Variants in MDGA2 observed in about 807,000 individuals in gnomAD.
MDGA2 encodes MAM domain-containing glycosylphosphatidylinositol anchor protein 2.
Under a neutral mutation model 117.8 loss-of-function variants are expected in MDGA2, and 40 were observed. The ratio of observed to expected loss-of-function variants is 0.34; its 90% CI spans 0.26 to 0.44. MDGA2 has a LOEUF of 0.44. Among genes scored for constraint, MDGA2 ranks in the 20% least tolerant of loss-of-function variants. The pLI is 1.00. For missense variants in MDGA2, 1,123 were observed against 1,250.6 expected (o/e 0.90, Z 1.54); for synonymous variants, 452 against 439.0 (o/e 1.03, Z -0.37).
chr14:47,396,037 G>T (rs191887138), intron 1 of MDGA2, among the ~76,000 whole-genome samples: 55 of 152,128 alleles, frequency 3.6e-4, no homozygotes, highest in African/African-American at 1.2e-3. Flanking sequence ...TGTTGGAATG[G>T]GTAAAATTGA....
intron 1 of MDGA2, among the ~76,000 whole-genome samples, chr14:47,618,221 G>A (rs1288271903): frequency 6.6e-6 from 1 of 152,210 alleles, no homozygotes; most frequent in Admixed American, 6.5e-5. Flanking sequence ...TTGTATCACA[G>A]TCAGTCTTAA....
chr14:47,497,301 G>C (rs1894301847), intron 1 of MDGA2, among the ~76,000 whole-genome samples: 1 of 152,154 alleles, frequency 6.6e-6, no homozygotes, highest in Admixed American at 6.5e-5. Context: ...GTCTTGCCCA[G>C]GCTGAAGGGC....
chr14:47,542,949 C>T (rs189584775), intron 1 of MDGA2, among the ~76,000 whole-genome samples: 28 of 152,320 alleles, frequency 1.8e-4, no homozygotes, highest in African/African-American at 6.3e-4. Flanking sequence ...CTGGCTCACA[C>T]CTGTAGTTCC....
chr14:47,508,892 G>C (rs1164085583), intron 1 of MDGA2, among the ~76,000 whole-genome samples: 2 of 152,022 alleles, frequency 1.3e-5, no homozygotes, highest in African/African-American at 2.4e-5. Context: ...AAGTTTTACC[G>C]TGTTAGCAAG....
intron 8 of MDGA2, among the ~76,000 whole-genome samples, chr14:46,985,907 C>T (rs1016716659): frequency 1.3e-5 from 2 of 151,976 alleles, no homozygotes; most frequent in Non-Finnish European, 2.9e-5. Context: ...TCACCATTAG[C>T]GATTTACAAC....
chr14:47,061,714 A>C, intron 6 of MDGA2, 136 bp from the exon 7 acceptor site: 1 of 709,380 alleles, frequency 1.4e-6, no homozygotes, highest in Non-Finnish European at 2.2e-6. Flanking sequence ...TTTATATCCA[A>C]GTTGTGTGTA....
At chr14:47,135,248 T>A (rs1340892393) in intron 4 of MDGA2, among the ~76,000 whole-genome samples, 1 of 152,118 alleles carries the variant, frequency 6.6e-6, no homozygotes, top group Admixed American at 6.6e-5. Context: ...CATTTCTTGG[T>A]TGTTTTACCA....
intron 14 of MDGA2, among the ~76,000 whole-genome samples, chr14:46,860,512 A>G (rs1881466370): frequency 6.6e-6 from 1 of 151,854 alleles, no homozygotes; most frequent in Admixed American, 6.6e-5. Flanking sequence ...ATGGTTCTCC[A>G]GTTTTCTTTT....
chr14:46,994,696 AAT>A (rs1458497691), intron 8 of MDGA2, among the ~76,000 whole-genome samples: 2 of 152,214 alleles, frequency 1.3e-5, no homozygotes, highest in Non-Finnish European at 2.9e-5. Flanking sequence ...AATGGATTTT[AAT>A]AGTCAATTCA....
At chr14:47,428,575 A>G (rs1011975889) in intron 1 of MDGA2, among the ~76,000 whole-genome samples, 6 of 152,220 alleles carry the variant, frequency 3.9e-5, no homozygotes, top group Non-Finnish European at 8.8e-5. Flanking sequence ...AACTCTCTCT[A>G]CATATATGTT....
rs779239091 is a variant in MDGA2 at position 47,097,034 on chromosome 14, C to G, written c.1015G>C (p.Glu339Gln). ...ITLVCVTTGG[E>Q]PAPSLTWVRS... is the part of the protein sequence containing the mutation. ...ACCCAGGTGAGAGAAGGTGCAGGCT[C>G]TCCTCCTGTTGTAACACATACTAAT... The change falls in exon 6 of 17, where the codon GAG becomes CAG. Residue 339 changes from glutamate to glutamine, a missense_variant. By Grantham distance (29) the Glu-to-Gln change is conservative. Transcript: ENST00000399232. The G allele has an allele frequency of 1.2e-6, 2 of 1,613,258 alleles. No individual in the cohort carries two copies. The highest frequency in any genetic ancestry group is 1.1e-5 in the South Asian group (1 of 91,074).
chr14:46,918,674 G>C (rs1374898418), intron 10 of MDGA2, among the ~76,000 whole-genome samples: 1 of 151,786 alleles, frequency 6.6e-6, no homozygotes, highest in African/African-American at 2.4e-5. Context: ...ATTATCAAAG[G>C]CCAGGATGTT....
intron 7 of MDGA2, among the ~76,000 whole-genome samples, chr14:47,053,657 A>G: frequency 1.5e-5 from 1 of 67,724 alleles, no homozygotes; most frequent in Non-Finnish European, 2.9e-5. Flanking sequence ...ATATATATAC[A>G]CACACACACA....
At chr14:47,173,515 A>C (rs1367052151) in intron 3 of MDGA2, among the ~76,000 whole-genome samples, 1 of 152,180 alleles carries the variant, frequency 6.6e-6, no homozygotes, top group Non-Finnish European at 1.5e-5. Flanking sequence ...AAAGAAAAGA[A>C]TTTTCAACCC....
intron 8 of MDGA2, among the ~76,000 whole-genome samples, chr14:46,992,619 T>C (rs1193391587): frequency 1.3e-5 from 2 of 152,170 alleles, no homozygotes; most frequent in Admixed American, 6.6e-5. Flanking sequence ...CACTCAAGAA[T>C]AGAATATTCT....
intron 2 of MDGA2, among the ~76,000 whole-genome samples, chr14:47,297,924 C>A (rs558003436): frequency 1.3e-5 from 2 of 152,172 alleles, no homozygotes; most frequent in East Asian, 3.9e-4. Flanking sequence ...ATAAAGCCAA[C>A]ATATGTTTCT....
At chr14:47,478,452 C>T (rs1036603545) in intron 1 of MDGA2, among the ~76,000 whole-genome samples, 1 of 152,156 alleles carries the variant, frequency 6.6e-6, no homozygotes, top group African/African-American at 2.4e-5. Flanking sequence ...TCACAGGTCA[C>T]CGCAGCCTTC....
At chr14:47,280,397 A>AATTCTTGTG (rs1454459768) in intron 2 of MDGA2, among the ~76,000 whole-genome samples, 1 of 150,138 alleles carries the variant, frequency 6.7e-6, no homozygotes, top group African/African-American at 2.4e-5. Context: ...AAAGCAAGTT[A>AATTCTTGTG]ATTCTTGTGT....
chr14:47,405,922 A>C (rs1393435465), intron 1 of MDGA2, among the ~76,000 whole-genome samples: 1 of 152,200 alleles, frequency 6.6e-6, no homozygotes, highest in Non-Finnish European at 1.5e-5. Context: ...TGAATAAAAG[A>C]GAAACAATTG....
Sources: allele counts gnomAD v4.1 joint callset (sites outside exome capture counted in the v4.1 genomes callset), GRCh38; gene constraint gnomAD v4.1.1; transcripts MANE v1.5; gene names NCBI Gene and HGNC (gene_info 2026-07-23, HGNC 2026-07-21).